The following RNF150 variants were observed in gnomAD, a reference collection of about 807,000 sequenced individuals.
RNF150 encodes the protein ring finger protein 150.
In RNF150, 24 loss-of-function variants were observed where a neutral mutation model predicts 39.3. That is an observed-to-expected ratio of 0.61 (90% CI 0.44 to 0.86). The LOEUF is 0.86. Ranked by LOEUF, RNF150 falls within the 40% of genes least tolerant of loss-of-function variation. The probability of loss-of-function intolerance (pLI) is 0.00; values close to 1 mark genes in which losing one functional copy is unlikely to be tolerated. For missense variants in RNF150, 502 were observed against 587.8 expected (o/e 0.85, Z 1.51); for synonymous variants, 255 against 227.3 (o/e 1.12, Z -1.10).
At chr4:140,868,541 T>C (rs1306675988) in intron 6 of RNF150, among the ~76,000 whole-genome samples, 162 bp from the exon 7 acceptor site, 3 of 152,150 alleles carry the variant, frequency 2.0e-5, no homozygotes, top group African/African-American at 7.2e-5. Flanking sequence ...TCATCTCACA[T>C]GGGCCAAAAA....
chr4:141,046,204 C>T (rs1473006500), intron 1 of RNF150, among the ~76,000 whole-genome samples: 1 of 152,170 alleles, frequency 6.6e-6, no homozygotes, highest in Non-Finnish European at 1.5e-5. Context: ...CTTGGTCTGA[C>T]TGGTAGCTGA....
At chr4:140,897,795 A>C (rs1009510179) in intron 6 of RNF150, among the ~76,000 whole-genome samples, 30 of 152,158 alleles carry the variant, frequency 2.0e-4, no homozygotes, top group African/African-American at 7.0e-4. Context: ...TCTAAGGATT[A>C]TTGCATTACA....
At chr4:140,961,047 G>C (rs995025552) in intron 2 of RNF150, among the ~76,000 whole-genome samples, 18 of 151,984 alleles carry the variant, frequency 1.2e-4, no homozygotes, top group Non-Finnish European at 5.9e-5. Flanking sequence ...GATTTGAATC[G>C]AGACCCATCT....
At chr4:141,175,143 C>G (rs556269490) in intron 1 of RNF150, among the ~76,000 whole-genome samples, 2 of 152,126 alleles carry the variant, frequency 1.3e-5, no homozygotes, top group African/African-American at 2.4e-5. Flanking sequence ...ATGGTGGGAA[C>G]GAACAAACGG....
intron 2 of RNF150, among the ~76,000 whole-genome samples, chr4:140,961,177 C>T (rs1733008735): frequency 6.6e-6 from 1 of 152,148 alleles, no homozygotes; most frequent in African/African-American, 2.4e-5. Context: ...CCCTTATTCT[C>T]CATGTTACCA....
chr4:140,968,773 C>T (rs1733348137), intron 1 of RNF150, among the ~76,000 whole-genome samples: 1 of 151,624 alleles, frequency 6.6e-6, no homozygotes, highest in Non-Finnish European at 1.5e-5. Context: ...GAAGTGAAGC[C>T]TCTTGGTGAG....
chr4:141,191,438 GGA>G (rs1335119988), intron 1 of RNF150, among the ~76,000 whole-genome samples: 1 of 152,142 alleles, frequency 6.6e-6, no homozygotes. Context: ...CCTCAATTCT[GGA>G]GAAACTTTAA....
At chr4:140,907,894 T>C (rs1730450234) in intron 6 of RNF150, among the ~76,000 whole-genome samples, 1 of 152,200 alleles carries the variant, frequency 6.6e-6, no homozygotes, top group South Asian at 2.1e-4. Context: ...TGAGCTAATA[T>C]ATGAAAAAGG....
intron 1 of RNF150, among the ~76,000 whole-genome samples, chr4:141,203,184 T>C (rs1300714726): frequency 2.0e-4 from 12 of 59,440 alleles, no homozygotes; most frequent in African/African-American, 8.1e-4. Context: ...TTGGAGACGA[T>C]ATATATATCT....
At chr4:140,982,450 T>C (rs1455971695) in intron 1 of RNF150, among the ~76,000 whole-genome samples, 1 of 152,142 alleles carries the variant, frequency 6.6e-6, no homozygotes, top group African/African-American at 2.4e-5. Flanking sequence ...AGAAAGTGTT[T>C]TTATATTTAT....
intron 1 of RNF150, among the ~76,000 whole-genome samples, chr4:141,128,763 T>C (rs959063754): frequency 6.6e-6 from 1 of 152,142 alleles, no homozygotes; most frequent in Non-Finnish European, 1.5e-5. Context: ...TCACTCTCTC[T>C]TCCCTAGCAT....
intron 1 of RNF150, among the ~76,000 whole-genome samples, chr4:141,104,429 T>A (rs763265314): frequency 2.0e-5 from 3 of 152,192 alleles, no homozygotes; most frequent in East Asian, 1.9e-4. Flanking sequence ...CAGCAACTGA[T>A]GGCAGAAGAA....
At chr4:141,105,505 A>T (rs1578735174) in intron 1 of RNF150, among the ~76,000 whole-genome samples, 1 of 152,192 alleles carries the variant, frequency 6.6e-6, no homozygotes, top group East Asian at 1.9e-4. Context: ...TCTTGCCACC[A>T]ATCTCCCAAA....
At chr4:140,925,038 A>G (rs1398672450) in intron 5 of RNF150, among the ~76,000 whole-genome samples, 7 of 152,206 alleles carry the variant, frequency 4.6e-5, no homozygotes, top group South Asian at 4.1e-4. Flanking sequence ...GACTATTAAC[A>G]TTCTCTTTAT....
At chr4:141,109,052 C>G (rs1369745689) in intron 1 of RNF150, among the ~76,000 whole-genome samples, 2 of 152,128 alleles carry the variant, frequency 1.3e-5, no homozygotes, top group African/African-American at 4.8e-5. Context: ...GTAAGATAAT[C>G]CATGTTAACG....
At chr4:141,091,982 AAT>A (rs1026509153) in intron 1 of RNF150, among the ~76,000 whole-genome samples, 4 of 152,222 alleles carry the variant, frequency 2.6e-5, no homozygotes, top group African/African-American at 9.6e-5. Context: ...ATCTGACTGC[AAT>A]CTCAGTAGGT....
At chr4:140,950,302 T>C (rs2111378688) in intron 2 of RNF150, among the ~76,000 whole-genome samples, 1 of 152,340 alleles carries the variant, frequency 6.6e-6, no homozygotes, top group Non-Finnish European at 1.5e-5. Context: ...ACTAATTTTG[T>C]TCCTTTTGGA....
chr4:140,959,215 A>G (rs1732914378), intron 2 of RNF150, among the ~76,000 whole-genome samples: 1 of 152,164 alleles, frequency 6.6e-6, no homozygotes, highest in Non-Finnish European at 1.5e-5. Context: ...ATTGTTAGAT[A>G]TAAACCCTAC....
chr4:140,948,691 T>C lies in RNF150; in HGVS notation c.807+610A>G, dbSNP rs180841543. Among the ~76,000 whole-genome samples the C allele has an allele frequency of 2.6e-4, 39 of 152,272 alleles. No individual in the cohort carries two copies. In the East Asian group the frequency reaches 6.6e-3, roughly 26 times the overall value. ...CTGGCCTCAAGTGATCTACCTACCT[T>C]GGCCTCCCAAAGTGCTGGGATTACA... On this transcript the variant is annotated intron_variant, in intron 3 of 6. Transcript: ENST00000515673.
Sources: allele counts gnomAD v4.1 joint callset (sites outside exome capture counted in the v4.1 genomes callset), GRCh38; gene constraint gnomAD v4.1.1; transcripts MANE v1.5; gene names NCBI Gene and HGNC (gene_info 2026-07-23, HGNC 2026-07-21).